Variants in HAGH observed in about 807,000 individuals in gnomAD.
The protein encoded by HAGH is hydroxyacylglutathione hydrolase.
Under a neutral mutation model 35.1 loss-of-function variants are expected in HAGH, and 29 were observed. That is an observed-to-expected ratio of 0.83 (90% CI 0.62 to 1.13). The LOEUF is 1.13. HAGH is among the 50% of genes most tolerant of loss of function. The probability of loss-of-function intolerance (pLI) is 0.00; values close to 1 mark genes in which losing one functional copy is unlikely to be tolerated. For synonymous variants in HAGH, 225 were observed against 176.1 expected, an observed-to-expected ratio of 1.28 and a Z score of -2.20; for missense variants, 478 against 419.6, an observed-to-expected ratio of 1.14 and a Z score of -1.22.
intron 7 of HAGH, among the ~76,000 whole-genome samples, chr16:1,815,821 C>G (rs1220358531): frequency 6.6e-6 from 1 of 151,912 alleles, no homozygotes; most frequent in African/African-American, 2.4e-5. Context: ...GAGTTCAAGA[C>G]GAGCCTGGCC....
chr16:1,809,054 G>T lies in HAGH; in HGVS notation c.*229C>A. 2.0e-6 allele frequency: 1 copy of T among 494,546 alleles called. No individual in the cohort carries two copies. The highest frequency in any genetic ancestry group is 3.6e-6 in the Non-Finnish European group (1 of 277,294). The allele number at this position is 494,546 out of a possible 1,614,324, so 30.6% of individuals were successfully genotyped here. A position where few individuals can be genotyped will look rare whatever the true frequency, so the allele number is the denominator to read the frequency against. On this transcript the variant is annotated 3_prime_UTR_variant, in exon 9 of 9. Coordinates refer to ENST00000397356, the MANE Select transcript of HAGH (RefSeq NM_005326.6). ...CACGGAGGAGGAAGGAGGCCCGAGG[G>T]GACAAGCAGAGGCCTAAAGGCCAGA...
At chr16:1,824,530 C>T (rs947795526) in intron 1 of HAGH, among the ~76,000 whole-genome samples, 2 of 152,132 alleles carry the variant, frequency 1.3e-5, no homozygotes, top group Admixed American at 6.5e-5. Context: ...CCGACAATAC[C>T]TTCAGTTCCG....
intron 3 of HAGH, among the ~76,000 whole-genome samples, chr16:1,821,238 A>G (rs1898138289): frequency 6.6e-6 from 1 of 152,166 alleles, no homozygotes. Context: ...GAGGGGCCCA[A>G]CTCACAGAGC....
At chr16:1,819,537 T>C (rs1046572458) in intron 4 of HAGH, among the ~76,000 whole-genome samples, 6 of 152,136 alleles carry the variant, frequency 3.9e-5, no homozygotes, top group African/African-American at 1.4e-4. Flanking sequence ...TGGCCTTTTG[T>C]TTTCCTGTCC....
chr16:1,809,366 G>C lies in HAGH; in HGVS notation c.844C>G (p.Gln282Glu). 4 of 1,611,714 alleles carry C rather than the reference G, an allele frequency of 2.5e-6. No homozygotes were observed. The highest frequency in any genetic ancestry group is 3.4e-6 in the Non-Finnish European group (4 of 1,179,750). Reference protein sequence around the residue: ...FMRVREKTVQQHAGETDPVTT... With the variant: ...FMRVREKTVQEHAGETDPVTT... ...ACCGGGTCCGTCTCACCTGCGTGCT[G>C]CTGCACCGTCTTCTCCCTGCGGAGG... is the stretch of plus-strand genomic sequence containing the variant. The change falls in exon 9 of 9, where the codon CAG (glutamine) becomes GAG (glutamate). Residue 282 changes from glutamine (Q) to glutamate (E), a missense_variant. Transcript: ENST00000397356.
chr16:1,809,826 T>C lies in HAGH; in HGVS notation c.755A>G (p.Tyr252Cys), dbSNP rs773215256. 22 of 1,612,922 alleles carry C rather than the reference T, an allele frequency of 1.4e-5. No individual in the cohort carries two copies. The South Asian group carries it at 2.1e-4, about 15-fold the overall frequency. ...REKLAWAKEK[Y>C]SIGEPTVPST... ...TGGCACTGTGGGCTCCCCGATGCTG[T>C]ACTTCTCCTGCAAGAGAAACGCACC... The change falls in exon 8 of 9, where the codon TAC (tyrosine) becomes TGC (cysteine). Residue 252 changes from tyrosine to cysteine, a missense_variant. Transcript: ENST00000397356.
chr16:1,817,727 G>A (rs950835967), intron 5 of HAGH, among the ~76,000 whole-genome samples: 1 of 151,590 alleles, frequency 6.6e-6, no homozygotes, highest in Non-Finnish European at 1.5e-5. Context: ...GGCCCACACC[G>A]CTGGGCACCT....
chr16:1,825,645 G>C (rs188710915), intron 1 of HAGH, among the ~76,000 whole-genome samples: 46 of 152,214 alleles, frequency 3.0e-4, no homozygotes, highest in African/African-American at 9.9e-4. Context: ...GCGATCAAGG[G>C]TCACTGCAGC....
chr16:1,826,642 G>A, intron 1 of HAGH, 70 bp downstream of exon 1: 1 of 963,318 alleles, frequency 1.0e-6, no homozygotes, highest in Non-Finnish European at 1.2e-6. Flanking sequence ...CCAAACGACG[G>A]CCCGGCGCCG....
chr16:1,815,109 G>T (rs55639428), intron 7 of HAGH, among the ~76,000 whole-genome samples: 13,937 of 35,990 alleles, frequency 0.39, 784 homozygotes, highest in Non-Finnish European at 0.47. Flanking sequence ...CACATGAAAA[G>T]ATGGTCACAT....
At chr16:1,818,712 A>C (rs1026284799) in intron 5 of HAGH, 3 of 174,648 alleles carry the variant, frequency 1.7e-5, no homozygotes, top group Non-Finnish European at 3.7e-5. Context: ...AGGTGGCTCC[A>C]CAGGTCTGCA....
At chr16:1,818,933 G>A (rs955342642) in intron 5 of HAGH, 182 bp downstream of exon 5, 17 of 581,838 alleles carry the variant, frequency 2.9e-5, no homozygotes, top group Admixed American at 9.1e-5. Context: ...TCCAGACCAC[G>A]ATCCAAACCC....
intron 3 of HAGH, among the ~76,000 whole-genome samples, chr16:1,820,494 C>G (rs1263060112): frequency 2.0e-5 from 3 of 152,046 alleles, no homozygotes; most frequent in Non-Finnish European, 4.4e-5. Flanking sequence ...AACTGTTCAG[C>G]ATGGGAATCA....
intron 1 of HAGH, among the ~76,000 whole-genome samples, chr16:1,826,232 G>A (rs1898408620): frequency 6.6e-6 from 1 of 151,676 alleles, no homozygotes; most frequent in Non-Finnish European, 1.5e-5. Context: ...CACCTCGGGC[G>A]AATGACACGC....
chr16:1,813,463 T>C (rs190432129), intron 7 of HAGH, among the ~76,000 whole-genome samples: 1 of 152,292 alleles, frequency 6.6e-6, no homozygotes, highest in African/African-American at 2.4e-5. Flanking sequence ...TTAATACGCA[T>C]CCACTGTATT....
At chr16:1,817,086 G>A (rs553000481) in intron 6 of HAGH, 82 bp downstream of exon 6, 17 of 1,315,282 alleles carry the variant, frequency 1.3e-5, no homozygotes, top group East Asian at 6.9e-5. Context: ...GGGGGTGTCC[G>A]GTGAGAGGGT....
chr16:1,818,315 C>A (rs1425403601), intron 5 of HAGH, among the ~76,000 whole-genome samples: 1 of 152,208 alleles, frequency 6.6e-6, no homozygotes, highest in African/African-American at 2.4e-5. Context: ...GCCCTGCGCA[C>A]TGCAGCCTGA....
At position 1,819,870 on chromosome 16, in the gene HAGH, G is replaced by A. The variant is rs1179066617; in HGVS notation, c.432+27C>T. ...CCCACGCTCCTGACAGGGCCACGCTGGAGCACCTCCAGGGCTCACTCCTTA... is the reference window on the plus strand; with the variant it reads ...CCCACGCTCCTGACAGGGCCACGCTAGAGCACCTCCAGGGCTCACTCCTTA... On this transcript the variant is annotated intron_variant, in intron 4 of 8. Transcript: ENST00000397356. 5 of 1,413,632 alleles carry A rather than the reference G, an allele frequency of 3.5e-6. No individual in the cohort carries two copies. In the South Asian group the frequency reaches 5.7e-5, roughly 16 times the overall value. 87.6% of individuals were successfully genotyped at this position (1,413,632 alleles called of 1,614,324 possible). A position where few individuals can be genotyped will look rare whatever the true frequency, so the allele number is the denominator to read the frequency against.
chr16:1,817,200 G>T lies in HAGH; in HGVS notation c.613C>A (p.Leu205Met). 6.2e-7 allele frequency: 1 copy of T among 1,612,640 alleles called. No individual in the cohort carries two copies. Among genetic ancestry groups the T allele is most frequent in the Non-Finnish European group, 8.5e-7 (1 of 1,178,614 alleles). The change falls in exon 6 of 9, where the codon CTG becomes ATG. Residue 205 changes from leucine to methionine, a missense_variant. Transcript: ENST00000397356. Reference sequence around the variant, plus strand: ...GGGGGGAGCCGGCCCAAGACCTCCAGCAGAGCTTTACACATCTCATCCGCA... The same window carrying T: ...GGGGGGAGCCGGCCCAAGACCTCCATCAGAGCTTTACACATCTCATCCGCA... Reference protein sequence around the residue: ...GTADEMCKALLEVLGRLPPDT... With the variant: ...GTADEMCKALMEVLGRLPPDT...
Sources: gnomAD v4.1 joint callset for allele counts (sites outside exome capture counted in the v4.1 genomes callset) on GRCh38, gnomAD v4.1.1 for gene constraint, MANE v1.5 for transcripts, NCBI Gene and HGNC (gene_info 2026-07-23, HGNC 2026-07-21) for gene names.